Variants in RORA observed in about 807,000 individuals in gnomAD.
RORA encodes the protein RAR related orphan receptor A.
RORA carries 7 observed loss-of-function variants against 69.5 expected under a neutral mutation model. The observed-to-expected ratio is 0.10, with a 90% CI of 0.06 to 0.19. RORA has a LOEUF of 0.19. Ranked by LOEUF, RORA falls within the 10% of genes least tolerant of loss-of-function variation. The probability of loss-of-function intolerance (pLI) is 1.00; values close to 1 mark genes in which losing one functional copy is unlikely to be tolerated. For synonymous variants in RORA, 261 were observed against 240.8 expected (o/e 1.08, Z -0.78); for missense variants, 457 against 663.0 (o/e 0.69, Z 3.41).
chr15:60,614,919 A>C (rs199924000), intron 2 of RORA: 1 of 1,613,886 alleles, frequency 6.2e-7, no homozygotes, highest in Admixed American at 1.7e-5. Flanking sequence ...GGAGCAGAAA[A>C]GAGAAGAACT....
chr15:60,888,549 A>C (rs943377559), intron 1 of RORA, among the ~76,000 whole-genome samples: 2 of 152,166 alleles, frequency 1.3e-5, no homozygotes, highest in African/African-American at 4.8e-5. Flanking sequence ...AAAGCAGCTG[A>C]TGATTATGTT....
intron 1 of RORA, among the ~76,000 whole-genome samples, chr15:61,103,997 C>T (rs1318786595): frequency 3.3e-5 from 5 of 152,148 alleles, no homozygotes; most frequent in Non-Finnish European, 5.9e-5. Flanking sequence ...ACTATGGACA[C>T]GCTAAACTCA....
chr15:60,530,198 C>G (rs962457556), intron 3 of RORA: 2 of 152,266 alleles, frequency 1.3e-5, no homozygotes, highest in Non-Finnish European at 2.9e-5. Context: ...CTCCAAAAAT[C>G]AATGCGATGA....
At chr15:60,781,992 C>A (rs764031094) in intron 1 of RORA, among the ~76,000 whole-genome samples, 8 of 152,094 alleles carry the variant, frequency 5.3e-5, no homozygotes, top group Non-Finnish European at 8.8e-5. Context: ...TCTGGGAGGC[C>A]GACGAGGGCG....
intron 2 of RORA, among the ~76,000 whole-genome samples, chr15:60,557,366 CAT>C (rs1197529818): frequency 3.3e-5 from 5 of 152,152 alleles, no homozygotes; most frequent in Non-Finnish European, 7.3e-5. Flanking sequence ...GAAGATGACA[CAT>C]GTGGTTTGGC....
At chr15:60,541,641 C>T (rs900166791) in intron 2 of RORA, among the ~76,000 whole-genome samples, 4 of 152,056 alleles carry the variant, frequency 2.6e-5, no homozygotes, top group Non-Finnish European at 5.9e-5. Flanking sequence ...TAAGTAGTTG[C>T]GAGACATAAG....
At chr15:60,588,505 C>T (rs1022947317) in intron 2 of RORA, among the ~76,000 whole-genome samples, 28 of 151,870 alleles carry the variant, frequency 1.8e-4, no homozygotes, top group African/African-American at 6.8e-4. Context: ...CAGTAAGTGG[C>T]CATTTATAAA....
chr15:61,223,726 A>C (rs769135332), intron 1 of RORA, among the ~76,000 whole-genome samples: 1 of 152,226 alleles, frequency 6.6e-6, no homozygotes, highest in African/African-American at 2.4e-5. Context: ...AAACGGGACT[A>C]GTACGTTTAG....
intron 1 of RORA, among the ~76,000 whole-genome samples, chr15:60,700,069 C>T (rs1330773900): frequency 6.6e-6 from 1 of 152,042 alleles, no homozygotes; most frequent in Non-Finnish European, 1.5e-5. Context: ...CCACCCTGCC[C>T]AGATATGGGA....
chr15:60,906,709 G>A (rs1296517670), intron 1 of RORA, among the ~76,000 whole-genome samples: 6 of 152,190 alleles, frequency 3.9e-5, no homozygotes, highest in African/African-American at 1.4e-4. Flanking sequence ...GGCTAGCTAT[G>A]CAGAAATCTT....
chr15:61,042,082 T>C (rs1455334081), intron 1 of RORA, among the ~76,000 whole-genome samples: 1 of 152,190 alleles, frequency 6.6e-6, no homozygotes, highest in African/African-American at 2.4e-5. Context: ...AGCGTCTAGG[T>C]TGGCCTTTTT....
At position 61,061,981 on chromosome 15, in the gene RORA, T is replaced by C. The variant is rs2078193201; in HGVS notation, c.166+167072A>G. ...GGGAGGCTGAGGCAGGAGAATCCCTTGAACCTAGGAGACGGAGGTTGCAGT... is the reference window on the plus strand; with the variant it reads ...GGGAGGCTGAGGCAGGAGAATCCCTCGAACCTAGGAGACGGAGGTTGCAGT... On this transcript the variant is annotated intron_variant, in intron 1 of 10. Transcript: ENST00000335670. The surrounding 1 kb of genome is among the most constrained non-coding windows in gnomAD (Gnocchi z 4.4). 6.6e-6 allele frequency among the ~76,000 whole-genome samples: 1 copy of C among 152,182 alleles called. No individual in the cohort carries two copies. The highest frequency in any genetic ancestry group is 2.4e-5 in the African/African-American group (1 of 41,446).
intron 2 of RORA, chr15:60,544,694 C>T (rs1000963937): frequency 5.9e-5 from 9 of 151,824 alleles, no homozygotes; most frequent in African/African-American, 1.9e-4. Flanking sequence ...TTTTTCCCCT[C>T]TCTTTGAAGG....
intron 1 of RORA, among the ~76,000 whole-genome samples, chr15:61,116,081 AAC>A (rs1229944915): frequency 6.6e-6 from 1 of 152,112 alleles, no homozygotes; most frequent in Non-Finnish European, 1.5e-5. Context: ...AAAACAAACA[AAC>A]AAACAAAAAA....
At chr15:60,870,935 C>G (rs1163552825) in intron 1 of RORA, among the ~76,000 whole-genome samples, 1 of 152,214 alleles carries the variant, frequency 6.6e-6, no homozygotes, top group Non-Finnish European at 1.5e-5. Context: ...TAAACAACTT[C>G]TTAACTCTCT....
chr15:60,615,056 C>T (rs1247644357), intron 2 of RORA: 6 of 1,596,078 alleles, frequency 3.8e-6, no homozygotes, highest in Non-Finnish European at 5.1e-6. Context: ...CAGCGTCAAC[C>T]CACACACAGC....
intron 1 of RORA, among the ~76,000 whole-genome samples, chr15:61,227,605 G>A (rs1436304669): frequency 2.0e-5 from 3 of 152,042 alleles, no homozygotes. Flanking sequence ...AAAACAGCCA[G>A]CACATGATCA....
chr15:61,114,367 A>G (rs540649728), intron 1 of RORA, among the ~76,000 whole-genome samples: 1 of 152,268 alleles, frequency 6.6e-6, no homozygotes. Flanking sequence ...GGTGGGGAAA[A>G]AGACCAGGTA....
chr15:60,814,374 C>T (rs965777070), intron 1 of RORA, among the ~76,000 whole-genome samples: 2 of 152,124 alleles, frequency 1.3e-5, no homozygotes, highest in Admixed American at 6.5e-5. Context: ...CGAAGGGGAT[C>T]TATGGTATCT....
Sources: allele counts gnomAD v4.1 joint callset (sites outside exome capture counted in the v4.1 genomes callset), GRCh38; gene constraint gnomAD v4.1.1; non-coding constraint Gnocchi (gnomAD v3.1); transcripts MANE v1.5; gene names NCBI Gene and HGNC (gene_info 2026-07-23, HGNC 2026-07-21).